MCF2L2: variants seen among roughly 807,000 people sequenced by gnomAD.
MCF2L2 encodes MCF.2 cell line derived transforming sequence-like 2.
MCF2L2 carries 102 observed loss-of-function variants against 150.2 expected under a neutral mutation model. The ratio of observed to expected loss-of-function variants is 0.68; its 90% CI spans 0.58 to 0.80. The LOEUF (loss-of-function observed/expected upper bound fraction) is 0.80, where lower values mean the gene tolerates loss of function less well. MCF2L2 is among the 30% of genes least tolerant of loss of function. The pLI is 0.00. For missense variants in MCF2L2, 1,256 were observed against 1,372.8 expected, an observed-to-expected ratio of 0.91 and a Z score of 1.34; for synonymous variants, 465 against 491.3, an observed-to-expected ratio of 0.95 and a Z score of 0.71.
intron 3 of MCF2L2, chr3:183,372,019 T>G (rs1018354522): frequency 4.2e-5 from 5 of 118,948 alleles, no homozygotes; most frequent in African/African-American, 1.9e-4. Flanking sequence ...AGGTATATCG[T>G]TTTTTTTTTT....
intron 5 of MCF2L2, among the ~76,000 whole-genome samples, chr3:183,328,277 C>T (rs1730132480): frequency 6.6e-6 from 1 of 152,048 alleles, no homozygotes. Context: ...AAAGTGTTTC[C>T]CTTAGTTCTG....
At chr3:183,322,776 C>A (rs541569727) in intron 6 of MCF2L2, among the ~76,000 whole-genome samples, 1 of 152,174 alleles carries the variant, frequency 6.6e-6, no homozygotes, top group East Asian at 1.9e-4. Context: ...CAATCCTTGT[C>A]CCCCTCCCAC....
In MCF2L2 at chr3:183,305,999, A is replaced by G. The variant is rs1241421647; in HGVS notation, c.1113+3717T>C. Among the ~76,000 whole-genome samples the G allele has an allele frequency of 7.9e-5, 12 of 152,230 alleles. No individual in the cohort carries two copies. The highest frequency in any genetic ancestry group is 6.5e-5 in the Admixed American group (1 of 15,284). On this transcript the variant is annotated intron_variant, in intron 10 of 29. Coordinates refer to ENST00000328913, the MANE Select transcript of MCF2L2 (RefSeq NM_015078.4). The surrounding 1 kb of genome is among the most constrained non-coding windows in gnomAD (Gnocchi z 4.1). ...AAGCTGACCACATGAAGTCCCTACCACACATCTAACTCATTTAATCTTCAC... is the reference window on the plus strand; with the variant it reads ...AAGCTGACCACATGAAGTCCCTACCGCACATCTAACTCATTTAATCTTCAC...
rs746758021 is a variant in MCF2L2 at position 183,192,989 on chromosome 3, C to A, written c.3016+10G>T. The A allele has an allele frequency of 2.9e-5, 46 of 1,610,126 alleles. 1 individual carries two copies. The highest frequency in any genetic ancestry group is 3.9e-5 in the Non-Finnish European group (46 of 1,176,616). On this transcript the variant is annotated intron_variant, in intron 27 of 29. Coordinates refer to ENST00000328913, the MANE Select transcript of MCF2L2 (RefSeq NM_015078.4). ...TTCTGTGCTCCACTCTCCCATGGGA[C>A]CCTCCCTACCTTTAATCCCTCCTGT...
chr3:183,228,599 T>C (rs1379644447), intron 17 of MCF2L2, among the ~76,000 whole-genome samples: 1 of 152,010 alleles, frequency 6.6e-6, no homozygotes, highest in Non-Finnish European at 1.5e-5. Flanking sequence ...TTGCCTTAGG[T>C]TCACAAAAAG....
At chr3:183,427,094 A>G (rs946698020) in intron 1 of MCF2L2, among the ~76,000 whole-genome samples, 2 of 152,198 alleles carry the variant, frequency 1.3e-5, no homozygotes, top group African/African-American at 2.4e-5. Flanking sequence ...AATGATCCCG[A>G]TAATTCCAGT....
chr3:183,231,248 C>A (rs1183989791), intron 15 of MCF2L2: 1 of 633,998 alleles, frequency 1.6e-6, no homozygotes, highest in African/African-American at 1.8e-5. Flanking sequence ...TTAGAGAACT[C>A]AAAATCCTTT....
At chr3:183,223,470 AAAAC>A in intron 19 of MCF2L2, 32 bp from the exon 20 acceptor site, 1 of 1,497,304 alleles carries the variant, frequency 6.7e-7, no homozygotes, top group Non-Finnish European at 9.3e-7. Context: ...AACATAAAGC[AAAAC>A]AAACAACACA....
chr3:183,257,031 T>C (rs1725102593), intron 15 of MCF2L2, among the ~76,000 whole-genome samples: 1 of 152,118 alleles, frequency 6.6e-6, no homozygotes, highest in South Asian at 2.1e-4. Context: ...ATTATGAGTA[T>C]AGCTCAGTAT....
At chr3:183,259,552 G>A (rs889435743) in intron 15 of MCF2L2, among the ~76,000 whole-genome samples, 1 of 152,132 alleles carries the variant, frequency 6.6e-6, no homozygotes, top group Admixed American at 6.6e-5. Context: ...CATGAAAACG[G>A]TTTTGATACA....
At chr3:183,323,546 C>T (rs1429039718) in intron 5 of MCF2L2, among the ~76,000 whole-genome samples, 195 bp from the exon 6 acceptor site, 2 of 151,790 alleles carry the variant, frequency 1.3e-5, no homozygotes, top group Non-Finnish European at 2.9e-5. Context: ...AATCTCAGCA[C>T]TTTGGAAGGC....
intron 1 of MCF2L2, among the ~76,000 whole-genome samples, chr3:183,423,543 T>C (rs1235356977): frequency 6.6e-6 from 1 of 151,864 alleles, no homozygotes; most frequent in Non-Finnish European, 1.5e-5. Context: ...ATGTCTAATA[T>C]GAGGGGGCAA....
chr3:183,343,841 A>C (rs1730797675), intron 3 of MCF2L2, among the ~76,000 whole-genome samples: 1 of 152,220 alleles, frequency 6.6e-6, no homozygotes, highest in Non-Finnish European at 1.5e-5. Context: ...TCACAACAAT[A>C]GCATGAAGAA....
chr3:183,278,282 AT>A (rs138373484), intron 14 of MCF2L2, among the ~76,000 whole-genome samples: 3,856 of 147,938 alleles, frequency 0.026, 166 homozygotes, highest in African/African-American at 0.091. Context: ...AAATGAAAAA[AT>A]TGTGTGTGTG....
Position 183,179,986 on chromosome 3 carries a change from G to T in MCF2L2, c.3105+85C>A. On this transcript the variant is annotated intron_variant, in intron 28 of 29. Transcript: ENST00000328913. This position sits in a 1 kb window ranked among gnomAD's most constrained non-coding sequence, Gnocchi z 4.2. ...TGAGAATCCTGAGGAGGGGGAGAGG[G>T]ATGGAGGCTAGGGACAGGAGGCAGG... The T allele has an allele frequency of 9.1e-7, 1 of 1,095,752 alleles. No homozygotes were observed. The highest frequency in any genetic ancestry group is 1.4e-6 in the Non-Finnish European group (1 of 720,344). The allele number at this position is 1,095,752 out of a possible 1,614,324, so 67.9% of individuals were successfully genotyped here.
rs185884965 is a variant in MCF2L2 at position 183,323,310 on chromosome 3, G to A, written c.528C>T (p.Ile176=). Residue 176 remains isoleucine (I), a synonymous_variant, in exon 6 of 30, where the codon ATC becomes ATT. Transcript: ENST00000328913. Reference sequence around the variant, plus strand: ...ATTCCCGGGTCAGTTGGCTTTTGTCGATGTAGCCGTGAAGGTCAGAGACAG... The same window carrying A: ...ATTCCCGGGTCAGTTGGCTTTTGTCAATGTAGCCGTGAAGGTCAGAGACAG... ...VNSVSDLHGY[I]DKSQLTRELG... is the part of the protein sequence containing the mutation. 58 of 1,613,878 alleles carry A rather than the reference G, an allele frequency of 3.6e-5. 1 individual carries two copies. Among genetic ancestry groups the A allele is most frequent in the South Asian group, 2.4e-4 (22 of 91,074 alleles).
At chr3:183,422,236 T>C (rs1715921752) in intron 1 of MCF2L2, among the ~76,000 whole-genome samples, 1 of 152,190 alleles carries the variant, frequency 6.6e-6, no homozygotes, top group Admixed American at 6.5e-5. Flanking sequence ...CAGACTCCTC[T>C]TAATTTCTTA....
rs1727601668 is a variant in MCF2L2 at position 183,283,231 on chromosome 3, C to T, written c.1776+5889G>A. ...TTTGCCATAGCTATTAGTAAGCTCT[C>T]ACCACTGATGTCTCAGCTGACTGTG... is the stretch of plus-strand genomic sequence containing the variant. On this transcript the variant is annotated intron_variant, in intron 14 of 29. Transcript: ENST00000328913. The surrounding 1 kb of genome is among the most constrained non-coding windows in gnomAD (Gnocchi z 4.2). Among the ~76,000 whole-genome samples, 1 of 152,198 alleles carries T rather than the reference C, an allele frequency of 6.6e-6. No homozygotes were observed. The highest frequency in any genetic ancestry group is 1.5e-5 in the Non-Finnish European group (1 of 68,036).
chr3:183,403,879 C>T (rs1355064387), intron 1 of MCF2L2, among the ~76,000 whole-genome samples: 1 of 152,012 alleles, frequency 6.6e-6, no homozygotes, highest in African/African-American at 2.4e-5. Context: ...AACATACATG[C>T]AGTTTGTGTC....
Sources: allele counts gnomAD v4.1 joint callset (sites outside exome capture counted in the v4.1 genomes callset), GRCh38; gene constraint gnomAD v4.1.1; non-coding constraint Gnocchi (gnomAD v3.1); transcripts MANE v1.5; gene names NCBI Gene and HGNC (gene_info 2026-07-23, HGNC 2026-07-21).